FAM50B: variants seen among roughly 807,000 people sequenced by gnomAD.
FAM50B encodes protein FAM50B.
A neutral mutation model predicts 25.4 loss-of-function variants in FAM50B; 9 were observed. The observed-to-expected ratio is 0.35, with a 90% CI of 0.21 to 0.62. The LOEUF (loss-of-function observed/expected upper bound fraction) is 0.62. Among genes scored for constraint, FAM50B ranks in the 20% least tolerant of loss-of-function variants. FAM50B has a pLI of 0.73. For missense variants in FAM50B, 372 were observed against 477.9 expected, an observed-to-expected ratio of 0.78 and a Z score of 2.07; for synonymous variants, 212 against 204.3, an observed-to-expected ratio of 1.04 and a Z score of -0.32.
In FAM50B at chr6:3,849,593, A is replaced by G. The variant is rs575824758; in HGVS notation, c.-24+107A>G. ...GTTACGTGGGGCCGTTCGCATTTGC[A>G]TTTATTGAGGTCAAATAAAATGCTG... On this transcript the variant is annotated intron_variant, in intron 1 of 1. Transcript: ENST00000648326. 3.1e-4 allele frequency: 247 copies of G among 797,862 alleles called. No individual in the cohort carries two copies. In the African/African-American group the frequency reaches 4.1e-3, roughly 13 times the overall value. 49.4% of individuals were successfully genotyped at this position (797,862 alleles called of 1,614,324 possible).
At chr6:3,847,761 A>C (rs2113027110), upstream of FAM50B, among the ~76,000 whole-genome samples, 1 of 152,290 alleles carries the variant, frequency 6.6e-6, no homozygotes, top group South Asian at 2.1e-4. Flanking sequence ...TACTTTCCTC[A>C]CTGAGCTGAA....
chr6:3,845,594 G>A (rs777210788), upstream of FAM50B, among the ~76,000 whole-genome samples: 1 of 152,172 alleles, frequency 6.6e-6, no homozygotes, highest in African/African-American at 2.4e-5. Context: ...TCTGTGGGTG[G>A]TGATGGTGAT....
upstream of FAM50B, among the ~76,000 whole-genome samples, chr6:3,845,915 G>A (rs528106353): frequency 2.2e-4 from 33 of 152,080 alleles, no homozygotes; most frequent in African/African-American, 7.2e-4. Context: ...TAGAGACGGG[G>A]TTTCACCATG....
chr6:3,847,650 G>C (rs1439056224), upstream of FAM50B, among the ~76,000 whole-genome samples: 3 of 152,248 alleles, frequency 2.0e-5, no homozygotes, highest in African/African-American at 7.2e-5. Context: ...TACCAGGAAA[G>C]CGCTTTCAGT....
At chr6:3,842,837 T>C in the FAM50B span, among the ~76,000 whole-genome samples, 1 of 152,224 alleles carries the variant, frequency 6.6e-6, no homozygotes, top group African/African-American at 2.4e-5. Context: ...AAAAATACTT[T>C]TCATCAAGTG....
the FAM50B span, among the ~76,000 whole-genome samples, chr6:3,832,561 C>T: frequency 6.6e-6 from 1 of 152,202 alleles, no homozygotes; most frequent in Non-Finnish European, 1.5e-5. Flanking sequence ...CCACCGGGCA[C>T]TCACTCATAC....
chr6:3,836,977 G>A, the FAM50B span, among the ~76,000 whole-genome samples: 34 of 152,270 alleles, frequency 2.2e-4, 1 homozygote, highest in Middle Eastern at 0.01. Flanking sequence ...CAGGCTTTTG[G>A]AAAATCTGGG....
the FAM50B span, among the ~76,000 whole-genome samples, chr6:3,838,260 A>C: frequency 2.3e-4 from 35 of 152,044 alleles, no homozygotes; most frequent in African/African-American, 7.0e-4. Context: ...GCAGTGAGCT[A>C]TGATTGCACC....
At chr6:3,837,268 G>A in the FAM50B span, among the ~76,000 whole-genome samples, 12 of 152,266 alleles carry the variant, frequency 7.9e-5, no homozygotes, top group African/African-American at 2.9e-4. Flanking sequence ...CTCTGCAAAA[G>A]ACAAGAGAAG....
At position 3,850,999 on chromosome 6, in the gene FAM50B, G is replaced by T. The variant is rs184539480; in HGVS notation, c.*210G>T. On this transcript the variant is annotated 3_prime_UTR_variant, in exon 2 of 2. Coordinates refer to ENST00000648326, the MANE Select transcript of FAM50B (RefSeq NM_012135.3). Reference sequence around the variant, plus strand: ...CTGAGTATTTTAGTGTTGCCACCTGGATTTGCTGCATTGCTCTGCTGAGCT... The same window carrying T: ...CTGAGTATTTTAGTGTTGCCACCTGTATTTGCTGCATTGCTCTGCTGAGCT... 5.7e-4 allele frequency: 421 copies of T among 741,418 alleles called. 2 individuals carry two copies. The highest frequency in any genetic ancestry group is 5.9e-5 in the Non-Finnish European group (27 of 460,182). The allele number at this position is 741,418 out of a possible 1,614,324, so 45.9% of individuals were successfully genotyped here.
Position 3,850,060 on chromosome 6 carries a change from G to T in FAM50B, c.249G>T (p.Glu83Asp). The change falls in exon 2 of 2, where the codon GAG becomes GAT. Residue 83 changes from glutamate (E) to aspartate (D), a missense_variant. This residue lies in a region of FAM50B where 224 missense variants were observed against 232.2 expected (regional missense o/e 0.96). Coordinates refer to ENST00000648326, the MANE Select transcript of FAM50B (RefSeq NM_012135.3). ...MKARQEALVR[E>D]RERQLAKRQH... ...CCCGGCAGGAGGCCCTGGTCAGGGA[G>T]CGCGAGCGGCAGCTGGCCAAGCGCC... The T allele has an allele frequency of 1.2e-6, 2 of 1,611,832 alleles. No individual in the cohort carries two copies. The highest frequency in any genetic ancestry group is 1.7e-6 in the Non-Finnish European group (2 of 1,179,162).
upstream of FAM50B, among the ~76,000 whole-genome samples, chr6:3,848,949 G>A (rs1762156982): frequency 6.6e-6 from 1 of 151,922 alleles, no homozygotes; most frequent in Admixed American, 6.5e-5. Context: ...TTCACGAGAC[G>A]CCACAGCGGG....
chr6:3,844,528 T>C (rs1038515186), upstream of FAM50B, among the ~76,000 whole-genome samples: 1 of 151,998 alleles, frequency 6.6e-6, no homozygotes, highest in Non-Finnish European at 1.5e-5. Flanking sequence ...CTGACCAACA[T>C]GGCAAAACCC....
At chr6:3,846,099 G>A (rs1762117987), upstream of FAM50B, among the ~76,000 whole-genome samples, 1 of 152,100 alleles carries the variant, frequency 6.6e-6, no homozygotes, top group African/African-American at 2.4e-5. Flanking sequence ...AGACCTTAGA[G>A]GACAAACAAA....
At chr6:3,844,256 T>G in the FAM50B span, among the ~76,000 whole-genome samples, 3 of 152,154 alleles carry the variant, frequency 2.0e-5, no homozygotes, top group African/African-American at 7.2e-5. Flanking sequence ...TTTTTCTAAA[T>G]TAGTTTGTGT....
the FAM50B span, among the ~76,000 whole-genome samples, chr6:3,843,743 C>T: frequency 2.0e-5 from 3 of 152,192 alleles, no homozygotes; most frequent in Non-Finnish European, 2.9e-5. Context: ...TTTTTAAACC[C>T]TTTATTCGAA....
chr6:3,849,868 G>A lies in FAM50B; in HGVS notation c.57G>A (p.Lys19=). 1 of 1,613,604 alleles carries A rather than the reference G, an allele frequency of 6.2e-7. No homozygotes were observed. The highest frequency in any genetic ancestry group is 1.3e-5 in the African/African-American group (1 of 75,074). ...CAGGCCGTGCCATGCACCTCCTCAAGAAGCGCGAAAGGCAGCGGGAGCAGA... is the reference window on the plus strand; with the variant it reads ...CAGGCCGTGCCATGCACCTCCTCAAAAAGCGCGAAAGGCAGCGGGAGCAGA... ...REAGRAMHLL[K]KRERQREQME... is the part of the protein sequence containing the mutation. The change falls in exon 2 of 2, where the codon AAG becomes AAA. Residue 19 remains lysine, a synonymous_variant. Transcript: ENST00000648326.
the FAM50B span, among the ~76,000 whole-genome samples, chr6:3,844,040 A>G: frequency 6.6e-6 from 1 of 152,232 alleles, no homozygotes; most frequent in Admixed American, 6.5e-5. Flanking sequence ...TCCGTTTAAA[A>G]TAGAATTCAG....
the FAM50B span, among the ~76,000 whole-genome samples, chr6:3,834,777 T>G: frequency 2.9e-4 from 44 of 152,162 alleles, no homozygotes; most frequent in African/African-American, 1.0e-3. Context: ...TCGGAACCAT[T>G]AAAAAAGATC....
Sources: allele counts gnomAD v4.1 joint callset (sites outside exome capture counted in the v4.1 genomes callset), GRCh38; gene constraint gnomAD v4.1.1; regional missense constraint gnomAD v4.1.1; transcripts MANE v1.5; gene names NCBI Gene and HGNC (gene_info 2026-07-23, HGNC 2026-07-21).